DENND2A: variants seen among roughly 807,000 people sequenced by gnomAD.
DENND2A encodes DENN domain containing 2A, also known as DENN domain-containing protein 2A.
Under a neutral mutation model 105.3 loss-of-function variants are expected in DENND2A, and 53 were observed. That is an observed-to-expected ratio of 0.50 (90% CI 0.40 to 0.63). DENND2A has a LOEUF of 0.63. Ranked by LOEUF, DENND2A falls within the 30% of genes least tolerant of loss-of-function variation. DENND2A has a pLI of 0.00. For synonymous variants in DENND2A, 522 were observed against 508.4 expected (o/e 1.03, Z -0.36); for missense variants, 1,138 against 1,279.6 (o/e 0.89, Z 1.69).
In DENND2A at chr7:140,560,372, C is replaced by T. The variant is rs535810793; in HGVS notation, c.1780-555G>A. ...ATTTCAGCAAGAAGGAAATAAGCCC[C>T]GAGGTGTGAAGTGATGTGTCCTGGT... On this transcript the variant is annotated intron_variant, in intron 9 of 19. Coordinates refer to ENST00000496613, the MANE Select transcript of DENND2A (RefSeq NM_015689.5). 5.2e-4 allele frequency among the ~76,000 whole-genome samples: 79 copies of T among 152,242 alleles called. No individual in the cohort carries two copies. The South Asian group carries it at 0.015, about 29-fold the overall frequency.
chr7:140,630,702 A>ATAAAG (rs1171111685), intron 1 of DENND2A, among the ~76,000 whole-genome samples: 2 of 152,120 alleles, frequency 1.3e-5, no homozygotes, highest in Non-Finnish European at 2.9e-5. Context: ...ATAAAATAAA[A>ATAAAG]TACAAAAAAT....
At chr7:140,629,003 C>T (rs1011857532) in intron 1 of DENND2A, among the ~76,000 whole-genome samples, 2 of 152,138 alleles carry the variant, frequency 1.3e-5, no homozygotes, top group Non-Finnish European at 2.9e-5. Context: ...GATATAAACC[C>T]TATCAACCAA....
chr7:140,524,885 CTT>C lies in DENND2A; in HGVS notation c.2547+864_2547+865del, dbSNP rs773550888. On this transcript the variant is annotated intron_variant, in intron 16 of 19. Coordinates refer to ENST00000496613, the MANE Select transcript of DENND2A (RefSeq NM_015689.5). ...GTGTGCCCCGGCCAGGGCAAATATT[CTT>C]TTTTTTTTTTTTTTTTGAAACGGAG... is the stretch of plus-strand genomic sequence containing the variant. 6.9e-3 allele frequency among the ~76,000 whole-genome samples: 913 copies of C among 132,938 alleles called. 9 individuals are homozygous for C. Among genetic ancestry groups the C allele is most frequent in the African/African-American group, 0.024 (841 of 35,154 alleles). 87.2% of individuals were successfully genotyped at this position (132,938 alleles called of 152,430 possible). A position where few individuals can be genotyped will look rare whatever the true frequency, so the allele number is the denominator to read the frequency against.
intron 5 of DENND2A, among the ~76,000 whole-genome samples, chr7:140,574,568 C>T (rs374408390): frequency 2.0e-5 from 3 of 152,136 alleles, no homozygotes; most frequent in Non-Finnish European, 2.9e-5. Flanking sequence ...AATCCCAAGA[C>T]GTTACAGCTG....
intron 1 of DENND2A, among the ~76,000 whole-genome samples, chr7:140,639,338 C>G (rs543697706): frequency 6.6e-6 from 1 of 151,460 alleles, no homozygotes; most frequent in African/African-American, 2.4e-5. Context: ...GGTGACAGAG[C>G]AAGACTCTGT....
intron 11 of DENND2A, among the ~76,000 whole-genome samples, chr7:140,557,704 T>C: frequency 6.8e-6 from 1 of 146,776 alleles, no homozygotes; most frequent in African/African-American, 2.5e-5. Flanking sequence ...CATGCCCGGC[T>C]AATTTTTGTA....
At chr7:140,525,872 T>A in intron 15 of DENND2A, 80 bp from the exon 16 acceptor site, 1 of 1,261,092 alleles carries the variant, frequency 7.9e-7, no homozygotes, top group South Asian at 1.7e-5. Flanking sequence ...TCTTCCTTCT[T>A]GGCATGCAGA....
chr7:140,544,048 T>A (rs1042901176), intron 14 of DENND2A: 1 of 166,930 alleles, frequency 6.0e-6, no homozygotes, highest in African/African-American at 2.4e-5. Context: ...CGAGCCACCA[T>A]GACTGGCTGA....
intron 3 of DENND2A, among the ~76,000 whole-genome samples, chr7:140,588,766 C>CTTTTTTTTTTTTTTT (rs34456581): frequency 7.3e-6 from 1 of 136,846 alleles, no homozygotes; most frequent in Non-Finnish European, 1.6e-5. Flanking sequence ...TTTTTTGGCA[C>CTTTTTTTTTTTTTTT]TTTTTTTTTT....
intron 6 of DENND2A, among the ~76,000 whole-genome samples, chr7:140,573,468 C>T (rs1463517348): frequency 2.0e-5 from 3 of 152,270 alleles, no homozygotes; most frequent in South Asian, 2.1e-4. Context: ...GGGTGTCGAC[C>T]GTCTCAGGTC....
At position 140,559,979 on chromosome 7, in the gene DENND2A, T is replaced by TC. The variant is rs925972975; in HGVS notation, c.1780-163dup. The stretch of plus-strand genomic sequence containing the variant: ...TGCAGCTCAGTCGGCTGGGGCATTT[T>TC]CCCCCCAGTGCACTTCCAACTATAG... On this transcript the variant is annotated intron_variant, in intron 9 of 19. Transcript: ENST00000496613. The surrounding 1 kb of genome is among the most constrained non-coding windows in gnomAD (Gnocchi z 4.1). 6.6e-6 allele frequency among the ~76,000 whole-genome samples: 1 copy of TC among 151,922 alleles called. No homozygotes were observed. Among genetic ancestry groups the TC allele is most frequent in the Admixed American group, 6.6e-5 (1 of 15,238 alleles).
At chr7:140,539,523 C>T (rs959089527) in intron 14 of DENND2A, among the ~76,000 whole-genome samples, 1 of 152,218 alleles carries the variant, frequency 6.6e-6, no homozygotes, top group Non-Finnish European at 1.5e-5. Flanking sequence ...GGGCCCCAGA[C>T]CCTGCCCTTC....
At chr7:140,633,589 T>C (rs1390311846) in intron 1 of DENND2A, among the ~76,000 whole-genome samples, 1 of 152,162 alleles carries the variant, frequency 6.6e-6, no homozygotes, top group Non-Finnish European at 1.5e-5. Context: ...TGCTGAGAAG[T>C]GGGGAAGTGT....
chr7:140,575,218 T>C (rs747724609), intron 5 of DENND2A, among the ~76,000 whole-genome samples: 1 of 152,044 alleles, frequency 6.6e-6, no homozygotes, highest in Non-Finnish European at 1.5e-5. Flanking sequence ...GATTCTTAGA[T>C]ATATAAAAAG....
intron 1 of DENND2A, among the ~76,000 whole-genome samples, chr7:140,609,229 C>G (rs1799797546): frequency 6.6e-6 from 1 of 152,128 alleles, no homozygotes; most frequent in African/African-American, 2.4e-5. Context: ...TTTTAATTAA[C>G]TGGCTGGGCA....
chr7:140,564,824 C>G (rs1797772681), intron 9 of DENND2A, among the ~76,000 whole-genome samples: 1 of 152,148 alleles, frequency 6.6e-6, no homozygotes, highest in African/African-American at 2.4e-5. Context: ...GTGCTAGGCC[C>G]CAAGGCAATG....
intron 5 of DENND2A, among the ~76,000 whole-genome samples, chr7:140,576,292 T>G (rs948449143): frequency 1.3e-5 from 2 of 152,206 alleles, no homozygotes; most frequent in African/African-American, 4.8e-5. Context: ...TAATCTTTTC[T>G]TTTGTAATTC....
intron 9 of DENND2A, among the ~76,000 whole-genome samples, chr7:140,566,857 T>A (rs1399086692): frequency 1.3e-5 from 2 of 152,058 alleles, no homozygotes; most frequent in Non-Finnish European, 2.9e-5. Flanking sequence ...CTAATTTTTG[T>A]ATTTGTCTGG....
intron 3 of DENND2A, among the ~76,000 whole-genome samples, chr7:140,591,325 T>A (rs1427287688): frequency 6.6e-6 from 1 of 152,156 alleles, no homozygotes; most frequent in Non-Finnish European, 1.5e-5. Flanking sequence ...AAATAAAAGA[T>A]GGTTATTCAC....
Sources: gnomAD v4.1 joint callset for allele counts (sites outside exome capture counted in the v4.1 genomes callset) on GRCh38, gnomAD v4.1.1 for gene constraint, Gnocchi (gnomAD v3.1) non-coding constraint, MANE v1.5 for transcripts, NCBI Gene and HGNC (gene_info 2026-07-23, HGNC 2026-07-21) for gene names.